The following FLVCR1 variants were observed in gnomAD, a reference collection of about 807,000 sequenced individuals.
FLVCR1 encodes the protein choline/ethanolamine transporter FLVCR1.
A neutral mutation model predicts 53.6 loss-of-function variants in FLVCR1; 34 were observed. The observed-to-expected ratio is 0.63, with a 90% CI of 0.48 to 0.84. The LOEUF (loss-of-function observed/expected upper bound fraction) is 0.84. FLVCR1 is among the 40% of genes least tolerant of loss of function. FLVCR1 has a pLI of 0.00. For missense variants in FLVCR1, 677 were observed against 696.7 expected, an observed-to-expected ratio of 0.97 and a Z score of 0.32; for synonymous variants, 300 against 286.3, an observed-to-expected ratio of 1.05 and a Z score of -0.48.
chr1:212,877,824 A>G (rs975546382), intron 3 of FLVCR1, among the ~76,000 whole-genome samples: 2 of 152,038 alleles, frequency 1.3e-5, no homozygotes, highest in Non-Finnish European at 2.9e-5. Context: ...TAGAGCCATT[A>G]TCCTTAAGAA....
chr1:212,898,275 G>T lies in FLVCR1; in HGVS notation c.*2985G>T, dbSNP rs1009407051. On this transcript the variant is annotated 3_prime_UTR_variant, in exon 10 of 10. Coordinates refer to ENST00000366971, the MANE Select transcript of FLVCR1 (RefSeq NM_014053.4). ...AAACAAATGTGATTGCTACCTTATG[G>T]ATACAACGGACTTTTACATTTCTTT... The T allele has an allele frequency of 1.8e-4, 28 of 152,172 alleles. No homozygotes were observed. The highest frequency in any genetic ancestry group is 2.4e-4 in the Non-Finnish European group (16 of 68,026). The allele number at this position is 152,172 out of a possible 1,614,324, so 9.4% of individuals were successfully genotyped here.
intron 1 of FLVCR1, 46 bp downstream of exon 1, chr1:212,859,236 G>C: frequency 6.2e-7 from 1 of 1,613,164 alleles, no homozygotes; most frequent in Non-Finnish European, 8.5e-7. Flanking sequence ...TAAAAGACCG[G>C]AAAAAGTCAT....
At chr1:212,892,619 G>A (rs374200921) in intron 8 of FLVCR1, among the ~76,000 whole-genome samples, 1 of 152,194 alleles carries the variant, frequency 6.6e-6, no homozygotes, top group African/African-American at 2.4e-5. Flanking sequence ...GAAGATGTAC[G>A]AGGAGATCAA....
chr1:212,896,397 G>C lies in FLVCR1; in HGVS notation c.*1107G>C, dbSNP rs1237804120. On this transcript the variant is annotated 3_prime_UTR_variant, in exon 10 of 10. Coordinates refer to ENST00000366971, the MANE Select transcript of FLVCR1 (RefSeq NM_014053.4). ...CAGGTACATGCTCTATCAGTGTGCCGGGAGAGTGGATTCTTTTCTTCACTG... is the reference window on the plus strand; with the variant it reads ...CAGGTACATGCTCTATCAGTGTGCCCGGAGAGTGGATTCTTTTCTTCACTG... 2.0e-5 allele frequency: 3 copies of C among 152,002 alleles called. No homozygotes were observed. Among genetic ancestry groups the C allele is most frequent in the Non-Finnish European group, 2.9e-5 (2 of 67,996 alleles). The allele number at this position is 152,002 out of a possible 1,614,324, so 9.4% of individuals were successfully genotyped here.
chr1:212,872,493 C>G (rs1328204278), intron 2 of FLVCR1, among the ~76,000 whole-genome samples, 185 bp from the exon 3 acceptor site: 1 of 152,152 alleles, frequency 6.6e-6, no homozygotes, highest in Non-Finnish European at 1.5e-5. Context: ...CAGTGTTAAA[C>G]TATTCTTCAC....
At position 212,860,512 on chromosome 1, in the gene FLVCR1, A is replaced by G. The variant is rs143592754; in HGVS notation, c.738+1322A>G. ...CATGATTACATTTTCTTTGTCACAC[A>G]TCTCTCAGTTTAAATTCATTTTTAA... On this transcript the variant is annotated intron_variant, in intron 1 of 9. Coordinates refer to ENST00000366971, the MANE Select transcript of FLVCR1 (RefSeq NM_014053.4). Among the ~76,000 whole-genome samples, 317 of 151,662 alleles carry G rather than the reference A, an allele frequency of 2.1e-3. 4 individuals carry two copies. Among genetic ancestry groups the G allele is most frequent in the African/African-American group, 7.4e-3 (308 of 41,418 alleles).
In FLVCR1 at chr1:212,896,283, A is replaced by G. The variant is rs1284100799; in HGVS notation, c.*993A>G. On this transcript the variant is annotated 3_prime_UTR_variant, in exon 10 of 10. Transcript: ENST00000366971. ...TCTATAATAACTTCAGATAGCCTACATGTCCCCATTTAGTGGAGACCTCTT... is the reference window on the plus strand; with the variant it reads ...TCTATAATAACTTCAGATAGCCTACGTGTCCCCATTTAGTGGAGACCTCTT... 10 of 152,176 alleles carry G rather than the reference A, an allele frequency of 6.6e-5. No individual in the cohort carries two copies. The highest frequency in any genetic ancestry group is 1.3e-4 in the Admixed American group (2 of 15,276). The allele number at this position is 152,176 out of a possible 1,614,324, so 9.4% of individuals were successfully genotyped here.
chr1:212,862,363 A>G (rs922763849), intron 1 of FLVCR1, among the ~76,000 whole-genome samples: 4 of 152,062 alleles, frequency 2.6e-5, no homozygotes, highest in Non-Finnish European at 5.9e-5. Context: ...GGCAAGTACT[A>G]GTTTCCCTTC....
chr1:212,858,491 GC>G lies in FLVCR1; in HGVS notation c.42del (p.Gly15AspfsTer35). Reference sequence around the variant, plus strand: ...ACGATGAGGAGGGGGCGGCGGTGGCGCCCGGACACCCGCTCGCGAAAGGATA... The same window carrying G: ...ACGATGAGGAGGGGGCGGCGGTGGCGCCGGACACCCGCTCGCGAAAGGATA... The part of the protein sequence containing the change: ...PDDEEGAAVA[P>X]GHPLAKGYLP... On this transcript the variant is annotated frameshift_variant, in exon 1 of 10. Transcript: ENST00000366971. LOFTEE classifies it high-confidence loss of function. The G allele has an allele frequency of 1.4e-6, 2 of 1,444,928 alleles. No homozygotes were observed. The highest frequency in any genetic ancestry group is 2.5e-5 in the East Asian group (1 of 39,910). The allele number at this position is 1,444,928 out of a possible 1,614,324, so 89.5% of individuals were successfully genotyped here.
intron 2 of FLVCR1, among the ~76,000 whole-genome samples, chr1:212,868,763 C>G (rs182555567): frequency 1.3e-5 from 2 of 152,300 alleles, no homozygotes; most frequent in East Asian, 3.9e-4. Context: ...GAATTTCAAA[C>G]TCCTGAGGCA....
chr1:212,898,843 C>T lies in FLVCR1; in HGVS notation c.*3553C>T, dbSNP rs969377641. 6.6e-6 allele frequency: 1 copy of T among 152,204 alleles called. No homozygotes were observed. Among genetic ancestry groups the T allele is most frequent in the Non-Finnish European group, 1.5e-5 (1 of 68,044 alleles). The allele number at this position is 152,204 out of a possible 1,614,324, so 9.4% of individuals were successfully genotyped here. On this transcript the variant is annotated 3_prime_UTR_variant, in exon 10 of 10. Transcript: ENST00000366971. The stretch of plus-strand genomic sequence containing the variant: ...GTCGCTTCTGGGCTACAGACCTGTA[C>T]AGCATGGTACTGTATTGAATACTGT...
At chr1:212,892,290 G>A (rs1665213436) in intron 8 of FLVCR1, among the ~76,000 whole-genome samples, 1 of 152,214 alleles carries the variant, frequency 6.6e-6, no homozygotes, top group Admixed American at 6.5e-5. Context: ...AGCTAGAGAG[G>A]AGGAATCAAT....
chr1:212,877,033 C>T (rs1423896295), intron 3 of FLVCR1, among the ~76,000 whole-genome samples: 1 of 151,810 alleles, frequency 6.6e-6, no homozygotes, highest in East Asian at 1.9e-4. Context: ...GTCATTCTGA[C>T]TGGCATGAAA....
intron 2 of FLVCR1, 75 bp downstream of exon 2, chr1:212,863,944 T>C: frequency 1.6e-6 from 2 of 1,245,902 alleles, no homozygotes; most frequent in Admixed American, 1.8e-5. Context: ...CTGGAAATTT[T>C]TGTTGATAAT....
At chr1:212,874,534 T>C (rs1664699292) in intron 3 of FLVCR1, among the ~76,000 whole-genome samples, 1 of 145,984 alleles carries the variant, frequency 6.9e-6, no homozygotes, top group African/African-American at 2.5e-5. Context: ...TTCTTTTTTT[T>C]TTTTTTTTTT....
intron 3 of FLVCR1, among the ~76,000 whole-genome samples, chr1:212,880,132 C>G (rs889875009): frequency 6.6e-6 from 1 of 152,124 alleles, no homozygotes; most frequent in African/African-American, 2.4e-5. Context: ...GCAGGCTAAC[C>G]CAGCGTGGTC....
intron 2 of FLVCR1, among the ~76,000 whole-genome samples, chr1:212,869,689 C>T (rs1484877002): frequency 6.6e-6 from 1 of 152,186 alleles, no homozygotes; most frequent in Non-Finnish European, 1.5e-5. Context: ...AAGGTGCCCA[C>T]CACCCCTGGC....
intron 3 of FLVCR1, among the ~76,000 whole-genome samples, chr1:212,873,363 G>T (rs902429996): frequency 6.6e-6 from 1 of 151,860 alleles, no homozygotes; most frequent in African/African-American, 2.4e-5. Context: ...ACAGAAACTC[G>T]GTCTTCTTTT....
At chr1:212,885,550 CTTTTTT>C in intron 5 of FLVCR1, 154 bp downstream of exon 5, 9 of 295,346 alleles carry the variant, frequency 3.0e-5, no homozygotes, top group Non-Finnish European at 3.7e-5. Context: ...ACAAGTGTTT[CTTTTTT>C]TTTTTTTTTT....
Sources: allele counts gnomAD v4.1 joint callset (sites outside exome capture counted in the v4.1 genomes callset), GRCh38; gene constraint gnomAD v4.1.1; transcripts MANE v1.5; gene names NCBI Gene and HGNC (gene_info 2026-07-23, HGNC 2026-07-21).